The following PCDHA10 variants were observed in gnomAD, a reference collection of about 807,000 sequenced individuals.
PCDHA10 encodes the protein protocadherin alpha-10.
A neutral mutation model predicts 61.2 loss-of-function variants in PCDHA10; 45 were observed. The ratio of observed to expected loss-of-function variants is 0.74; its 90% CI spans 0.58 to 0.94. The LOEUF (loss-of-function observed/expected upper bound fraction) is 0.94, where lower values mean the gene tolerates loss of function less well. Ranked by LOEUF, PCDHA10 falls within the 40% of genes least tolerant of loss-of-function variation. The pLI is 0.00. For missense variants in PCDHA10, 1,278 were observed against 1,236.2 expected (o/e 1.03, Z -0.51); for synonymous variants, 602 against 548.8 (o/e 1.10, Z -1.35).
intron 1 of PCDHA10, among the ~76,000 whole-genome samples, chr5:140,911,737 G>A (rs187858302): frequency 3.4e-4 from 51 of 152,238 alleles, no homozygotes; most frequent in African/African-American, 9.9e-4. Flanking sequence ...TTCGTGCCAA[G>A]GACTATCAGT....
At chr5:140,870,201 G>A in intron 1 of PCDHA10, 2 of 1,614,140 alleles carry the variant, frequency 1.2e-6, no homozygotes, top group Non-Finnish European at 8.5e-7. Context: ...AGCCCAGCAC[G>A]GTCATTGCCC....
chr5:140,984,271 A>G (rs1403531837), intron 3 of PCDHA10, among the ~76,000 whole-genome samples: 1 of 152,196 alleles, frequency 6.6e-6, no homozygotes, highest in African/African-American at 2.4e-5. Context: ...ACTAACTTTG[A>G]ATACATTCTC....
In PCDHA10 at chr5:140,882,919, A is replaced by G. The variant is rs781879301; in HGVS notation, c.2388+24483A>G. 7.4e-6 allele frequency: 12 copies of G among 1,614,104 alleles called. No homozygotes were observed. In the East Asian group the frequency reaches 2.7e-4, roughly 36 times the overall value. The stretch of plus-strand genomic sequence containing the variant: ...GTTTATTACTGACAGCCAGTGATGG[A>G]GGTAAACCCGAGCTGACTGGCACAG... On this transcript the variant is annotated intron_variant, in intron 1 of 3. Coordinates refer to ENST00000307360, the MANE Select transcript of PCDHA10 (RefSeq NM_018901.4).
At chr5:140,968,704 G>A (rs782208487) in intron 1 of PCDHA10, 6 of 1,614,002 alleles carry the variant, frequency 3.7e-6, no homozygotes, top group Admixed American at 1.7e-5. Context: ...GGACTACCAG[G>A]AAGATGGGAG....
At chr5:140,921,022 T>C (rs990627966) in intron 1 of PCDHA10, among the ~76,000 whole-genome samples, 6 of 152,094 alleles carry the variant, frequency 3.9e-5, no homozygotes, top group Admixed American at 6.6e-5. Context: ...CTATGTTTTC[T>C]AGACTGGGGT....
At chr5:140,870,481 A>C (rs1329928274) in intron 1 of PCDHA10, 1 of 1,614,210 alleles carries the variant, frequency 6.2e-7, no homozygotes, top group East Asian at 2.2e-5. Context: ...GCCCGAGTAC[A>C]CCGTGTTCGT....
chr5:140,990,834 A>G (rs1554251782), intron 3 of PCDHA10, among the ~76,000 whole-genome samples: 1 of 152,234 alleles, frequency 6.6e-6, no homozygotes, highest in East Asian at 1.9e-4. Flanking sequence ...AAAGCCTATT[A>G]GCAAAAATAG....
intron 3 of PCDHA10, among the ~76,000 whole-genome samples, chr5:140,987,487 C>A (rs868928905): frequency 6.6e-6 from 1 of 152,154 alleles, no homozygotes; most frequent in Non-Finnish European, 1.5e-5. Flanking sequence ...GTCAGTGACC[C>A]TTTCTGAATT....
At chr5:140,946,219 G>A (rs2093905754) in intron 1 of PCDHA10, among the ~76,000 whole-genome samples, 1 of 151,856 alleles carries the variant, frequency 6.6e-6, no homozygotes, top group Non-Finnish European at 1.5e-5. Context: ...TGACCAACAG[G>A]TATACTAAAA....
intron 1 of PCDHA10, among the ~76,000 whole-genome samples, chr5:140,938,931 A>T (rs1371527205): frequency 6.6e-6 from 1 of 152,044 alleles, no homozygotes; most frequent in African/African-American, 2.4e-5. Context: ...TTGGCTTTTA[A>T]CTTTCCATTC....
chr5:140,954,046 G>T (rs1554221229), intron 1 of PCDHA10, among the ~76,000 whole-genome samples: 1 of 152,124 alleles, frequency 6.6e-6, no homozygotes, highest in East Asian at 1.9e-4. Context: ...TTGGTTTTCT[G>T]TTCCTGCATT....
chr5:140,863,186 TG>T, intron 1 of PCDHA10: 1 of 771,164 alleles, frequency 1.3e-6, no homozygotes, highest in Non-Finnish European at 2.2e-6. Flanking sequence ...ACCGTCACCG[TG>T]GTGGCGTCGC....
chr5:140,982,741 T>C (rs2097000256), intron 3 of PCDHA10, among the ~76,000 whole-genome samples, 178 bp downstream of exon 3: 1 of 152,164 alleles, frequency 6.6e-6, no homozygotes, highest in Admixed American at 6.6e-5. Flanking sequence ...TACCTAATGC[T>C]CTTCAGGAGT....
chr5:140,877,371 G>C, intron 1 of PCDHA10: 2 of 1,613,994 alleles, frequency 1.2e-6, no homozygotes, highest in Non-Finnish European at 8.5e-7. Context: ...AGATCAGCAC[G>C]ACACGCATCC....
intron 1 of PCDHA10, among the ~76,000 whole-genome samples, chr5:140,977,613 G>T (rs1554238687): frequency 2.0e-5 from 3 of 152,150 alleles, no homozygotes; most frequent in African/African-American, 7.2e-5. Flanking sequence ...TTGAGGTAAA[G>T]TATCCCAGAG....
intron 1 of PCDHA10, among the ~76,000 whole-genome samples, chr5:140,922,947 C>A (rs533564361): frequency 6.6e-6 from 1 of 152,178 alleles, no homozygotes; most frequent in South Asian, 2.1e-4. Context: ...AATGGAAATC[C>A]AGTTTGTCTT....
Position 140,969,340 on chromosome 5 carries a change from G to A in PCDHA10, c.2389-9609G>A, listed in dbSNP as rs1262555926. 6 of 1,613,738 alleles carry A rather than the reference G, an allele frequency of 3.7e-6. No homozygotes were observed. The African/African-American group carries it at 5.3e-5, about 14-fold the overall frequency. On this transcript the variant is annotated intron_variant, in intron 1 of 3. Coordinates refer to ENST00000307360, the MANE Select transcript of PCDHA10 (RefSeq NM_018901.4). The stretch of plus-strand genomic sequence containing the variant: ...CTGTTTCTCAAAATGAGGTGAGACA[G>A]TGGTCAGGGGGTCTTCTACAAACTC...
chr5:140,916,840 C>G (rs1350788875), intron 1 of PCDHA10, among the ~76,000 whole-genome samples: 1 of 152,128 alleles, frequency 6.6e-6, no homozygotes, highest in African/African-American at 2.4e-5. Context: ...TGGTTCTGAG[C>G]CCAGCCCAGC....
chr5:140,982,623 C>T, intron 3 of PCDHA10, 60 bp downstream of exon 3: 1 of 1,583,652 alleles, frequency 6.3e-7, no homozygotes, highest in South Asian at 1.2e-5. Context: ...AGATGACCTA[C>T]TTTTGTAAGA....
Sources: allele counts gnomAD v4.1 joint callset (sites outside exome capture counted in the v4.1 genomes callset), GRCh38; gene constraint gnomAD v4.1.1; transcripts MANE v1.5; gene names NCBI Gene and HGNC (gene_info 2026-07-23, HGNC 2026-07-21).